Variants in FXR1 observed in about 807,000 individuals in gnomAD.
FXR1 encodes FMR1 autosomal homolog 1.
Under a neutral mutation model 84.0 loss-of-function variants are expected in FXR1, and 15 were observed. That is an observed-to-expected ratio of 0.18 (90% CI 0.12 to 0.27). The LOEUF (loss-of-function observed/expected upper bound fraction) is 0.27. FXR1 is among the 10% of genes least tolerant of loss of function. The pLI, the probability that FXR1 is intolerant of heterozygous loss-of-function variation, is 1.00. For missense variants in FXR1, 480 were observed against 774.4 expected (o/e 0.62, Z 4.51); for synonymous variants, 245 against 250.7 (o/e 0.98, Z 0.21).
chr3:180,931,808 A>AC (rs1719946555), intron 1 of FXR1, among the ~76,000 whole-genome samples: 2 of 126,646 alleles, frequency 1.6e-5, no homozygotes, highest in Non-Finnish European at 3.1e-5. Flanking sequence ...CAGCATGGTT[A>AC]TGGCTCACTG....
At chr3:180,923,101 T>G (rs1010736732) in intron 1 of FXR1, among the ~76,000 whole-genome samples, 3 of 152,258 alleles carry the variant, frequency 2.0e-5, no homozygotes, top group African/African-American at 7.2e-5. Flanking sequence ...AATAGTACGT[T>G]AATATTTTTG....
intron 1 of FXR1, among the ~76,000 whole-genome samples, chr3:180,919,428 C>T (rs1287110433): frequency 1.3e-5 from 2 of 150,914 alleles, no homozygotes; most frequent in Admixed American, 1.3e-4. Flanking sequence ...GGGATTATAG[C>T]TGTGTGCCTC....
intron 15 of FXR1, among the ~76,000 whole-genome samples, chr3:180,972,764 T>C (rs1170165892): frequency 6.6e-6 from 1 of 152,184 alleles, no homozygotes; most frequent in Non-Finnish European, 1.5e-5. Context: ...ATTCCTGTTT[T>C]ACTTCTTTGG....
chr3:180,962,850 A>G (rs1167963562), intron 11 of FXR1, 33 bp from the exon 12 acceptor site: 14 of 1,448,602 alleles, frequency 9.7e-6, no homozygotes, highest in Non-Finnish European at 1.3e-5. Context: ...AGTTATATAT[A>G]AGAAGACTTA....
chr3:180,969,748 A>T lies in FXR1; in HGVS notation c.1403-410A>T, dbSNP rs547016145. On this transcript the variant is annotated intron_variant, in intron 14 of 16. Coordinates refer to ENST00000357559, the MANE Select transcript of FXR1 (RefSeq NM_005087.4). ...AGTCATTTTGAACTCAGTTAAGGGG[A>T]TGAAAGCTCGCTCTTATAATTATTT... 2.3e-3 allele frequency among the ~76,000 whole-genome samples: 343 copies of T among 152,324 alleles called. 1 individual carries two copies. The highest frequency in any genetic ancestry group is 8.0e-3 in the African/African-American group (331 of 41,572).
rs1714457704 is a variant in FXR1 at position 180,978,802 on chromosome 3, A to T, written c.*2510A>T. ...TATATGACACCTGAACGGAATCATG[A>T]AGTAACAGCTGAGATTATATGGTGG... On this transcript the variant is annotated 3_prime_UTR_variant, in exon 17 of 17. Transcript: ENST00000357559. 6.6e-6 allele frequency: 1 copy of T among 152,096 alleles called. No individual in the cohort carries two copies. The highest frequency in any genetic ancestry group is 2.1e-4 in the South Asian group (1 of 4,826). The allele number at this position is 152,096 out of a possible 1,614,324, so 9.4% of individuals were successfully genotyped here.
At chr3:180,945,807 C>G (rs1258922144) in intron 3 of FXR1, among the ~76,000 whole-genome samples, 2 of 152,200 alleles carry the variant, frequency 1.3e-5, no homozygotes, top group East Asian at 1.9e-4. Flanking sequence ...GATGGAGTCT[C>G]AGTTGAGTCA....
At chr3:180,930,771 A>G (rs1439349242) in intron 1 of FXR1, among the ~76,000 whole-genome samples, 1 of 152,130 alleles carries the variant, frequency 6.6e-6, no homozygotes, top group African/African-American at 2.4e-5. Context: ...GTGGTGGCTC[A>G]TGCCTATAAT....
intron 1 of FXR1, among the ~76,000 whole-genome samples, chr3:180,922,661 G>T (rs1003749791): frequency 1.3e-5 from 2 of 152,170 alleles, no homozygotes; most frequent in African/African-American, 4.8e-5. Context: ...CACCCAGGTT[G>T]CAGTGCAGTG....
At chr3:180,921,576 G>A (rs1364945084) in intron 1 of FXR1, among the ~76,000 whole-genome samples, 1 of 151,978 alleles carries the variant, frequency 6.6e-6, no homozygotes, top group Non-Finnish European at 1.5e-5. Context: ...TGACTATTTG[G>A]TACTTGTTGG....
intron 7 of FXR1, 64 bp downstream of exon 7, chr3:180,949,407 G>T: frequency 1.2e-6 from 1 of 844,274 alleles, no homozygotes; most frequent in South Asian, 1.3e-5. Context: ...GTTTTTTGGA[G>T]ACAGATTCTG....
At chr3:180,941,897 G>A (rs1192885462) in intron 3 of FXR1, among the ~76,000 whole-genome samples, 1 of 152,056 alleles carries the variant, frequency 6.6e-6, no homozygotes, top group African/African-American at 2.4e-5. Context: ...ATACAAAATG[G>A]CAGATACATA....
chr3:180,916,925 C>T (rs998780461), intron 1 of FXR1, among the ~76,000 whole-genome samples: 1 of 152,118 alleles, frequency 6.6e-6, no homozygotes. Context: ...ACCTCTGACT[C>T]AGTGGTTCAA....
intron 14 of FXR1, among the ~76,000 whole-genome samples, chr3:180,968,945 C>A (rs1713187684): frequency 6.6e-6 from 1 of 152,102 alleles, no homozygotes; most frequent in Non-Finnish European, 1.5e-5. Context: ...AAGGATATAA[C>A]TTTAACATAT....
intron 1 of FXR1, chr3:180,915,324 G>A (rs1179343887): frequency 1.4e-5 from 8 of 553,026 alleles, no homozygotes; most frequent in East Asian, 2.9e-5. Flanking sequence ...CCAAATTTCC[G>A]TCATGCCCTT....
intron 10 of FXR1, among the ~76,000 whole-genome samples, chr3:180,958,982 A>G (rs1021325846): frequency 2.0e-5 from 3 of 151,686 alleles, no homozygotes; most frequent in African/African-American, 7.3e-5. Context: ...TAATTTTTGC[A>G]TTTTTAGTAG....
rs1714545429 is a variant in FXR1 at position 180,980,228 on chromosome 3, T to C, written c.*3936T>C. 1 of 152,162 alleles carries C rather than the reference T, an allele frequency of 6.6e-6. No individual in the cohort carries two copies. Among genetic ancestry groups the C allele is most frequent in the East Asian group, 1.9e-4 (1 of 5,178 alleles). The allele number at this position is 152,162 out of a possible 1,614,324, so 9.4% of individuals were successfully genotyped here. On this transcript the variant is annotated 3_prime_UTR_variant, in exon 17 of 17. Coordinates refer to ENST00000357559, the MANE Select transcript of FXR1 (RefSeq NM_005087.4). ...ATTTAAGTGGTGTTTGTTTTACATATGTATCCATCCCAGACATTTTCAACT... is the reference window on the plus strand; with the variant it reads ...ATTTAAGTGGTGTTTGTTTTACATACGTATCCATCCCAGACATTTTCAACT...
chr3:180,970,982 T>C (rs1713490360), intron 15 of FXR1: 1 of 258,488 alleles, frequency 3.9e-6, no homozygotes, highest in Non-Finnish European at 7.1e-6. Flanking sequence ...TAAAAGTTTA[T>C]TTTTCCCCTT....
chr3:180,951,445 G>A lies in FXR1; in HGVS notation c.778G>A (p.Gly260Arg). 29 of 1,612,894 alleles carry A rather than the reference G, an allele frequency of 1.8e-5. No homozygotes were observed. Among genetic ancestry groups the A allele is most frequent in the Non-Finnish European group, 2.4e-5 (28 of 1,179,158 alleles). Residue 260 changes from glycine (G) to arginine (R), a missense_variant, in exon 8 of 17, where the codon GGA becomes AGA. Around this residue, in one of 6 missense-constraint regions of FXR1, gnomAD observed 136 missense variants for 315.4 expected, o/e 0.43. Coordinates refer to ENST00000357559, the MANE Select transcript of FXR1 (RefSeq NM_005087.4). Reference sequence around the variant, plus strand: ...CGCCATTGAGCTAGATGAAGATACTGGAACATTCAGAATCTACGGAGAGGT... The same window carrying A: ...CGCCATTGAGCTAGATGAAGATACTAGAACATTCAGAATCTACGGAGAGGT... ...VTAIELDEDT[G>R]TFRIYGESAD...
Sources: allele counts gnomAD v4.1 joint callset (sites outside exome capture counted in the v4.1 genomes callset), GRCh38; gene constraint gnomAD v4.1.1; regional missense constraint gnomAD v4.1.1; transcripts MANE v1.5; gene names NCBI Gene and HGNC (gene_info 2026-07-23, HGNC 2026-07-21).